HADHA: variants seen among roughly 807,000 people sequenced by gnomAD.
The protein encoded by HADHA is hydroxyacyl-CoA dehydrogenase trifunctional multienzyme complex subunit alpha, also known as trifunctional enzyme subunit alpha, mitochondrial.
HADHA carries 59 observed loss-of-function variants against 91.3 expected under a neutral mutation model. The ratio of observed to expected loss-of-function variants is 0.65; its 90% CI spans 0.52 to 0.80. The LOEUF (loss-of-function observed/expected upper bound fraction) is 0.80. Ranked by LOEUF, HADHA falls within the 30% of genes least tolerant of loss-of-function variation. The pLI is 0.00. For missense variants in HADHA, 800 were observed against 927.6 expected, an observed-to-expected ratio of 0.86 and a Z score of 1.79; for synonymous variants, 320 against 338.9, an observed-to-expected ratio of 0.94 and a Z score of 0.61.
intron 18 of HADHA, 122 bp from the exon 19 acceptor site, chr2:26,191,750 G>T: frequency 1.0e-6 from 1 of 983,176 alleles, no homozygotes; most frequent in Admixed American, 1.8e-5. Context: ...GTTGGTGCTG[G>T]CCCTCAGAGA....
intron 12 of HADHA, among the ~76,000 whole-genome samples, chr2:26,201,674 G>A (rs983666521): frequency 6.6e-6 from 1 of 152,200 alleles, no homozygotes; most frequent in Non-Finnish European, 1.5e-5. Flanking sequence ...CAAAAGAGGA[G>A]TTCTGGTAAT....
At chr2:26,233,065 G>A (rs1670664161) in intron 5 of HADHA, among the ~76,000 whole-genome samples, 1 of 152,202 alleles carries the variant, frequency 6.6e-6, no homozygotes, top group Non-Finnish European at 1.5e-5. Context: ...TCCCTCTCAT[G>A]TGCAGTTCAC....
chr2:26,198,450 G>A (rs935913340), intron 13 of HADHA, among the ~76,000 whole-genome samples: 49 of 149,280 alleles, frequency 3.3e-4, no homozygotes, highest in African/African-American at 9.4e-4. Context: ...ATCTAGGCTC[G>A]CTGCAACCTC....
intron 16 of HADHA, among the ~76,000 whole-genome samples, 158 bp from the exon 17 acceptor site, chr2:26,193,930 AAAG>A (rs1302093207): frequency 6.6e-6 from 1 of 152,230 alleles, no homozygotes; most frequent in Non-Finnish European, 1.5e-5. Flanking sequence ...AGGGAAGCAC[AAAG>A]AAGTTTGGGG....
chr2:26,231,568 T>G (rs943347402), intron 6 of HADHA, among the ~76,000 whole-genome samples: 2 of 152,238 alleles, frequency 1.3e-5, no homozygotes, highest in Non-Finnish European at 2.9e-5. Context: ...GATGGTATTA[T>G]GTGGAAAAGG....
intron 11 of HADHA, among the ~76,000 whole-genome samples, chr2:26,208,392 A>AC (rs1047597105): frequency 6.6e-6 from 1 of 152,142 alleles, no homozygotes; most frequent in African/African-American, 2.4e-5. Flanking sequence ...GGAGATGTAT[A>AC]CTACCTCCAT....
intron 5 of HADHA, 146 bp from the exon 6 acceptor site, chr2:26,232,425 C>A: frequency 1.5e-6 from 1 of 665,690 alleles, no homozygotes; most frequent in South Asian, 1.7e-5. Flanking sequence ...TTAATAATTT[C>A]TAGAATTTAC....
intron 1 of HADHA, among the ~76,000 whole-genome samples, chr2:26,241,480 A>AACAAC (rs1558332948): frequency 6.8e-6 from 1 of 146,868 alleles, no homozygotes; most frequent in Non-Finnish European, 1.5e-5. Context: ...ACAACAACAA[A>AACAAC]AAAAAAAAAA....
intron 7 of HADHA, among the ~76,000 whole-genome samples, chr2:26,226,315 G>C (rs902522937): frequency 1.3e-5 from 2 of 152,124 alleles, no homozygotes; most frequent in Non-Finnish European, 2.9e-5. Context: ...TGTAGATATG[G>C]ACAAAATGAT....
intron 11 of HADHA, among the ~76,000 whole-genome samples, chr2:26,208,738 T>C (rs531344126): frequency 6.6e-6 from 1 of 152,348 alleles, no homozygotes; most frequent in East Asian, 1.9e-4. Flanking sequence ...TAATTTACCC[T>C]GCTCATCGAA....
Position 26,231,079 on chromosome 2 carries a change from A to G in HADHA, c.574-785T>C, listed in dbSNP as rs186494611. On this transcript the variant is annotated intron_variant, in intron 6 of 19. Coordinates refer to ENST00000380649, the MANE Select transcript of HADHA (RefSeq NM_000182.5). ...TACTAGAAGAAAGGCTTCTAGCAAC[A>G]TTCAAATACCAGCTATAGTTTAAGA... is the stretch of plus-strand genomic sequence containing the variant. 4.1e-4 allele frequency among the ~76,000 whole-genome samples: 63 copies of G among 152,240 alleles called. 1 individual carries two copies. The highest frequency in any genetic ancestry group is 1.5e-3 in the African/African-American group (61 of 41,566).
At chr2:26,216,104 T>C (rs1001308563) in intron 7 of HADHA, among the ~76,000 whole-genome samples, 4 of 152,078 alleles carry the variant, frequency 2.6e-5, no homozygotes, top group Non-Finnish European at 1.5e-5. Context: ...CCCACCTCTA[T>C]TTAAAAGGAA....
chr2:26,227,836 G>A (rs969192896), intron 7 of HADHA, among the ~76,000 whole-genome samples: 28 of 150,930 alleles, frequency 1.9e-4, no homozygotes, highest in African/African-American at 6.6e-4. Context: ...TCTTCCCAGA[G>A]ATAAGGTCTC....
At chr2:26,194,521 G>T in intron 16 of HADHA, 49 bp downstream of exon 16, 1 of 1,077,678 alleles carries the variant, frequency 9.3e-7, no homozygotes. Flanking sequence ...GTTTTAGAGT[G>T]ACTGAAGGAG....
intron 7 of HADHA, among the ~76,000 whole-genome samples, chr2:26,219,385 C>T (rs1574617717): frequency 6.6e-6 from 1 of 152,096 alleles, no homozygotes; most frequent in South Asian, 2.1e-4. Flanking sequence ...CTCGGCCTCC[C>T]GAAGTGCTGG....
intron 7 of HADHA, among the ~76,000 whole-genome samples, chr2:26,224,967 G>T (rs903972902): frequency 6.6e-6 from 1 of 152,138 alleles, no homozygotes; most frequent in Non-Finnish European, 1.5e-5. Flanking sequence ...CAGCTTTATT[G>T]CAATAAATTT....
At chr2:26,192,529 GT>G (rs1226263986) in intron 17 of HADHA, 105 bp from the exon 18 acceptor site, 4 of 754,420 alleles carry the variant, frequency 5.3e-6, no homozygotes, top group Non-Finnish European at 9.6e-6. Context: ...GCTCACGCCT[GT>G]AATCCCAGCA....
chr2:26,208,323 C>G (rs1428190673), intron 11 of HADHA, among the ~76,000 whole-genome samples: 1 of 151,844 alleles, frequency 6.6e-6, no homozygotes, highest in Non-Finnish European at 1.5e-5. Flanking sequence ...TGCTGTCTTT[C>G]TTTTTTGCAT....
chr2:26,213,175 T>G (rs1670142843), intron 9 of HADHA, among the ~76,000 whole-genome samples: 1 of 152,244 alleles, frequency 6.6e-6, no homozygotes, highest in African/African-American at 2.4e-5. Context: ...TGCTTGAATT[T>G]CCCAAAATAT....
Sources: gnomAD v4.1 joint callset for allele counts (sites outside exome capture counted in the v4.1 genomes callset) on GRCh38, gnomAD v4.1.1 for gene constraint, MANE v1.5 for transcripts, NCBI Gene and HGNC (gene_info 2026-07-23, HGNC 2026-07-21) for gene names.